The following MAPK10 variants were observed in gnomAD, a reference collection of about 807,000 sequenced individuals.
MAPK10 encodes the protein JNK3 alpha protein kinase.
A neutral mutation model predicts 59.3 loss-of-function variants in MAPK10; 25 were observed. The observed-to-expected ratio is 0.42, with a 90% confidence interval of 0.31 to 0.59. The LOEUF is 0.59. Ranked by LOEUF, MAPK10 falls within the 20% of genes least tolerant of loss-of-function variation. The pLI, the probability that MAPK10 is intolerant of heterozygous loss-of-function variation, is 0.15. For synonymous variants in MAPK10, 190 were observed against 200.5 expected (o/e 0.95, Z 0.44); for missense variants, 351 against 568.9 (o/e 0.62, Z 3.90).
At chr4:86,456,783 G>C (rs1260668228), upstream of MAPK10, among the ~76,000 whole-genome samples, 1 of 152,148 alleles carries the variant, frequency 6.6e-6, no homozygotes, top group Non-Finnish European at 1.5e-5. Context: ...TAGAGAAAAA[G>C]GGAATCCTCC....
chr4:86,419,918 T>A (rs1746297519), intron 1 of MAPK10, among the ~76,000 whole-genome samples: 1 of 152,188 alleles, frequency 6.6e-6, no homozygotes, highest in Non-Finnish European at 1.5e-5. Flanking sequence ...TATATCTTAG[T>A]CATCATTGTA....
chr4:86,251,135 T>C (rs964613986), intron 2 of MAPK10, among the ~76,000 whole-genome samples: 1 of 152,088 alleles, frequency 6.6e-6, no homozygotes, highest in African/African-American at 2.4e-5. Context: ...CAATGTTAAA[T>C]AGAACATCGT....
intron 11 of MAPK10, among the ~76,000 whole-genome samples, chr4:86,061,493 T>A (rs968548223): frequency 5.9e-5 from 9 of 152,140 alleles, no homozygotes; most frequent in Non-Finnish European, 1.2e-4. Flanking sequence ...TTTTTAAAAT[T>A]TTCTAACTCA....
At chr4:86,265,099 C>T (rs548276765) in intron 2 of MAPK10, among the ~76,000 whole-genome samples, 167 of 152,022 alleles carry the variant, frequency 1.1e-3, no homozygotes, top group African/African-American at 3.8e-3. Context: ...CCATGTTGGC[C>T]AGGATGGTCT....
chr4:86,552,502 A>AAGGAAGG (rs1276345907), intron 1 of MAPK10, among the ~76,000 whole-genome samples: 6 of 32,996 alleles, frequency 1.8e-4, no homozygotes, highest in Non-Finnish European at 3.8e-4. Context: ...GGAGGGAAGG[A>AAGGAAGG]AAGGAAGGAA....
At chr4:86,358,262 T>A in intron 1 of MAPK10, 1 of 985,394 alleles carries the variant, frequency 1.0e-6, no homozygotes, top group Non-Finnish European at 1.2e-6. Context: ...TTACTGCAAC[T>A]ATTTTAAATA....
intron 2 of MAPK10, among the ~76,000 whole-genome samples, chr4:86,295,741 T>C (rs1215911358): frequency 6.8e-6 from 1 of 146,228 alleles, no homozygotes; most frequent in Admixed American, 6.8e-5. Context: ...AATATATAAA[T>C]TTATATATAT....
chr4:86,561,006 G>C lies in MAPK10; in HGVS notation c.-263+32904C>G, dbSNP rs573527735. ...ACAGTTCACAACCTTTTTGGCACCA[G>C]GGACCAGTTTTGTGGAAAACAATTT... is the stretch of plus-strand genomic sequence containing the variant. On this transcript the variant is annotated intron_variant, in intron 1 of 4. Coordinates refer to the MAPK10 transcript ENST00000502302. Among the ~76,000 whole-genome samples, 27 of 152,346 alleles carry C rather than the reference G, an allele frequency of 1.8e-4. No individual in the cohort carries two copies. The South Asian group carries it at 5.6e-3, about 32-fold the overall frequency.
At chr4:86,048,965 G>A (rs985394850) in intron 11 of MAPK10, among the ~76,000 whole-genome samples, 4 of 151,892 alleles carry the variant, frequency 2.6e-5, no homozygotes, top group Non-Finnish European at 5.9e-5. Context: ...TTTCAATCAA[G>A]CATAAAGACT....
intron 1 of MAPK10, among the ~76,000 whole-genome samples, chr4:86,518,203 A>G (rs987447225): frequency 1.3e-5 from 2 of 152,160 alleles, no homozygotes; most frequent in African/African-American, 4.8e-5. Context: ...TTGTATTTTT[A>G]GGAGAGACAG....
At chr4:86,161,574 T>G (rs943957328) in intron 3 of MAPK10, among the ~76,000 whole-genome samples, 1 of 107,316 alleles carries the variant, frequency 9.3e-6, no homozygotes, top group African/African-American at 2.8e-5. Flanking sequence ...TGAATTCATC[T>G]GTCAAGTTTA....
chr4:86,547,218 C>T (rs558894559), intron 1 of MAPK10, among the ~76,000 whole-genome samples: 2 of 152,184 alleles, frequency 1.3e-5, no homozygotes, highest in Admixed American at 6.5e-5. Flanking sequence ...CCCACTTTGG[C>T]GGCACCTGAG....
At chr4:86,203,766 T>C (rs1283811676) in intron 2 of MAPK10, among the ~76,000 whole-genome samples, 5 of 151,080 alleles carry the variant, frequency 3.3e-5, no homozygotes, top group Non-Finnish European at 5.9e-5. Flanking sequence ...GTCTCTTCCA[T>C]GTTCAAAAGG....
upstream of MAPK10, among the ~76,000 whole-genome samples, chr4:86,455,772 A>G (rs1751173553): frequency 6.6e-6 from 1 of 152,222 alleles, no homozygotes; most frequent in Non-Finnish European, 1.5e-5. Context: ...CAACAAAGAA[A>G]CAATGGATTT....
chr4:86,066,643 T>C (rs2046790813), intron 10 of MAPK10, among the ~76,000 whole-genome samples: 1 of 150,916 alleles, frequency 6.6e-6, no homozygotes, highest in Admixed American at 6.6e-5. Context: ...CGGGCGCCTG[T>C]AGTCCCAGCT....
chr4:86,315,101 G>A (rs1443633559), intron 2 of MAPK10, among the ~76,000 whole-genome samples: 1 of 152,072 alleles, frequency 6.6e-6, no homozygotes, highest in Non-Finnish European at 1.5e-5. Flanking sequence ...ACATTTGAGA[G>A]GATGGAACTG....
intron 1 of MAPK10, among the ~76,000 whole-genome samples, chr4:86,548,729 G>C (rs191791913): frequency 6.7e-4 from 102 of 152,262 alleles, no homozygotes; most frequent in African/African-American, 2.4e-3. Context: ...AGCAGTGTGA[G>C]AACAGACTAA....
intron 1 of MAPK10, among the ~76,000 whole-genome samples, chr4:86,403,610 G>C (rs1054938260): frequency 6.6e-6 from 1 of 152,160 alleles, no homozygotes; most frequent in South Asian, 2.1e-4. Context: ...CCACATGGCT[G>C]AAGAAGCCTC....
intron 2 of MAPK10, among the ~76,000 whole-genome samples, chr4:86,323,713 C>A (rs2095955420): frequency 6.6e-6 from 1 of 152,136 alleles, no homozygotes; most frequent in Admixed American, 6.5e-5. Context: ...ATAGCATTAT[C>A]AAAAATTATT....
Sources: allele counts gnomAD v4.1 joint callset (sites outside exome capture counted in the v4.1 genomes callset), GRCh38; gene constraint gnomAD v4.1.1; transcripts MANE v1.5; gene names NCBI Gene and HGNC (gene_info 2026-07-23, HGNC 2026-07-21).